The following GPM6A variants were observed in gnomAD, a reference collection of about 807,000 sequenced individuals.
GPM6A encodes glycoprotein M6A, also known as neuronal membrane glycoprotein M6-a.
A neutral mutation model predicts 32.1 loss-of-function variants in GPM6A; 7 were observed. That is an observed-to-expected ratio of 0.22 (90% CI 0.12 to 0.41). The LOEUF is 0.41. GPM6A is among the 10% of genes least tolerant of loss of function. The probability of loss-of-function intolerance (pLI) is 1.00; values close to 1 mark genes in which losing one functional copy is unlikely to be tolerated. For missense variants in GPM6A, 235 were observed against 347.2 expected (o/e 0.68, Z 2.57); for synonymous variants, 130 against 123.4 (o/e 1.05, Z -0.35).
intron 1 of GPM6A, among the ~76,000 whole-genome samples, chr4:175,869,165 C>T (rs1736828000): frequency 6.6e-6 from 1 of 152,158 alleles, no homozygotes; most frequent in Non-Finnish European, 1.5e-5. Context: ...TGTCAAAAAT[C>T]TCGCTATTCA....
At chr4:175,991,775 A>C (rs966868403) in intron 1 of GPM6A, among the ~76,000 whole-genome samples, 3 of 152,150 alleles carry the variant, frequency 2.0e-5, no homozygotes, top group African/African-American at 7.2e-5. Flanking sequence ...GATCTGTTCC[A>C]TGCCCTGATA....
chr4:175,670,250 C>T (rs1467893963), intron 3 of GPM6A, among the ~76,000 whole-genome samples: 1 of 152,094 alleles, frequency 6.6e-6, no homozygotes, highest in Admixed American at 6.5e-5. Context: ...AAATCTATTA[C>T]TTCGAAAGTG....
upstream of GPM6A, among the ~76,000 whole-genome samples, chr4:175,816,633 A>T (rs1308461267): frequency 6.6e-6 from 1 of 152,170 alleles, no homozygotes; most frequent in Non-Finnish European, 1.5e-5. Context: ...GGAAAAGAAG[A>T]TCATGAAAAC....
rs887430802 is a variant in GPM6A at position 175,966,446 on chromosome 4, T to TTA, written c.-23+35861_-23+35862dup. 3.7e-3 allele frequency among the ~76,000 whole-genome samples: 551 copies of TTA among 148,670 alleles called. 3 individuals are homozygous for TTA. Among genetic ancestry groups the TTA allele is most frequent in the African/African-American group, 0.012 (479 of 40,846 alleles). On this transcript the variant is annotated intron_variant, in intron 1 of 7. Transcript: ENST00000280187. ...TATAATATATATATATTTCAAAATA[T>TTA]TATATATATATATTCAGAGCCTAAT...
intron 1 of GPM6A, among the ~76,000 whole-genome samples, chr4:175,881,415 A>C (rs531258910): frequency 5.6e-4 from 86 of 152,298 alleles, no homozygotes; most frequent in Non-Finnish European, 1.1e-3. Context: ...ACTAGTTCAA[A>C]CATTGTGGAA....
At chr4:175,874,777 T>C (rs747946966) in intron 1 of GPM6A, among the ~76,000 whole-genome samples, 1 of 151,604 alleles carries the variant, frequency 6.6e-6, no homozygotes, top group Non-Finnish European at 1.5e-5. Context: ...GTGAAATAGA[T>C]GGAAAATGGG....
chr4:175,737,366 C>T (rs1731705739), intron 1 of GPM6A, among the ~76,000 whole-genome samples: 1 of 151,984 alleles, frequency 6.6e-6, no homozygotes, highest in African/African-American at 2.4e-5. Context: ...TCCTGTACGC[C>T]TGTAATCCTG....
chr4:175,838,760 T>A (rs978159146), intron 1 of GPM6A, among the ~76,000 whole-genome samples: 6 of 150,944 alleles, frequency 4.0e-5, no homozygotes, highest in African/African-American at 1.5e-4. Context: ...TTCAGGCGAT[T>A]CTCGTGCCTC....
chr4:175,669,145 A>C (rs1742913196), intron 3 of GPM6A, among the ~76,000 whole-genome samples: 1 of 152,226 alleles, frequency 6.6e-6, no homozygotes, highest in African/African-American at 2.4e-5. Context: ...ATAAGTGCCT[A>C]ACAAATATTT....
At chr4:176,001,889 C>T (rs370792597) in intron 1 of GPM6A, among the ~76,000 whole-genome samples, 45 of 152,306 alleles carry the variant, frequency 3.0e-4, no homozygotes, top group African/African-American at 9.6e-4. Flanking sequence ...AACATGAAAA[C>T]GTGGGAACTC....
intron 3 of GPM6A, among the ~76,000 whole-genome samples, chr4:175,669,698 G>A (rs1742947001): frequency 6.6e-6 from 1 of 152,154 alleles, no homozygotes; most frequent in African/African-American, 2.4e-5. Context: ...GAGTTGAATT[G>A]TGTCCTCACA....
chr4:175,747,911 T>G (rs1382638928), intron 1 of GPM6A, among the ~76,000 whole-genome samples: 1 of 94,014 alleles, frequency 1.1e-5, no homozygotes, highest in African/African-American at 3.3e-5. Flanking sequence ...TCTCAAACCC[T>G]GCTGCTACTT....
intron 2 of GPM6A, among the ~76,000 whole-genome samples, chr4:175,683,661 C>A (rs1743809432): frequency 6.6e-6 from 1 of 152,014 alleles, no homozygotes; most frequent in African/African-American, 2.4e-5. Context: ...GGCACCTCCC[C>A]TTTAACTCTC....
chr4:175,906,789 C>T (rs1477916421), intron 1 of GPM6A: 3 of 152,148 alleles, frequency 2.0e-5, no homozygotes, highest in Non-Finnish European at 4.4e-5. Flanking sequence ...GAATTCTACC[C>T]TGATGAGAAC....
chr4:175,689,056 C>T (rs1017140640), intron 2 of GPM6A, among the ~76,000 whole-genome samples: 13 of 152,018 alleles, frequency 8.6e-5, no homozygotes, highest in African/African-American at 2.2e-4. Context: ...GGATTACGAA[C>T]GCACTGGGAT....
At chr4:175,740,448 T>C (rs955772839) in intron 1 of GPM6A, among the ~76,000 whole-genome samples, 2 of 152,056 alleles carry the variant, frequency 1.3e-5, no homozygotes, top group African/African-American at 2.4e-5. Flanking sequence ...TTGTGGAACC[T>C]AATGTTAAAG....
intron 1 of GPM6A, among the ~76,000 whole-genome samples, chr4:175,986,934 C>G (rs1218824468): frequency 2.0e-5 from 3 of 152,150 alleles, no homozygotes; most frequent in Admixed American, 2.0e-4. Context: ...TCATACTACT[C>G]CTCTGGCTAG....
chr4:175,786,362 C>A (rs1218087906), intron 1 of GPM6A, among the ~76,000 whole-genome samples: 2 of 150,960 alleles, frequency 1.3e-5, no homozygotes, highest in Non-Finnish European at 2.9e-5. Context: ...CCAAATTACC[C>A]TTCTTCTCTC....
intron 1 of GPM6A, among the ~76,000 whole-genome samples, chr4:175,888,291 C>A (rs1351743202): frequency 1.3e-5 from 2 of 151,834 alleles, no homozygotes; most frequent in African/African-American, 2.4e-5. Flanking sequence ...TTTAAGCATA[C>A]CAGAAATCGA....
Sources: gnomAD v4.1 joint callset for allele counts (sites outside exome capture counted in the v4.1 genomes callset) on GRCh38, gnomAD v4.1.1 for gene constraint, MANE v1.5 for transcripts, NCBI Gene and HGNC (gene_info 2026-07-23, HGNC 2026-07-21) for gene names.